The following LLGL2 variants were observed in gnomAD, a reference collection of about 807,000 sequenced individuals.
LLGL2 encodes the protein LLGL scribble cell polarity complex component 2.
A neutral mutation model predicts 123.2 loss-of-function variants in LLGL2; 81 were observed. The observed-to-expected ratio is 0.66, with a 90% CI of 0.55 to 0.79. The LOEUF (loss-of-function observed/expected upper bound fraction) is 0.79. Among genes scored for constraint, LLGL2 ranks in the 30% least tolerant of loss-of-function variants. The pLI is 0.00. For missense variants in LLGL2, 1,273 were observed against 1,414.6 expected (o/e 0.90, Z 1.61); for synonymous variants, 577 against 594.1 (o/e 0.97, Z 0.42).
At chr17:75,540,866 G>A (rs1035447794) in intron 1 of LLGL2, among the ~76,000 whole-genome samples, 2 of 152,236 alleles carry the variant, frequency 1.3e-5, no homozygotes, top group African/African-American at 4.8e-5. Context: ...ACAGTGCCAA[G>A]GAAAGGAGAT....
At position 75,558,280 on chromosome 17, in the gene LLGL2, C is replaced by T. The variant is rs752641252; in HGVS notation, c.255+44C>T. On this transcript the variant is annotated intron_variant, in intron 4 of 25. Transcript: ENST00000392550. The surrounding 1 kb of genome is among the most constrained non-coding windows in gnomAD (Gnocchi z 4.0). ...GACAGGAAGCCACTTCCATGCCCTC[C>T]TTGCCTTCACTGCTTCCAGCAGGGC... 12 of 1,542,634 alleles carry T rather than the reference C, an allele frequency of 7.8e-6. No individual in the cohort carries two copies. In the Middle Eastern group the frequency reaches 5.1e-4, roughly 65 times the overall value.
Position 75,569,257 on chromosome 17 carries a change from C to G in LLGL2, c.1513C>G (p.Leu505Val). Residue 505 changes from leucine (L) to valine (V), a missense_variant, in exon 14 of 26, where the codon CTG becomes GTG. By Grantham distance (32) the Leu-to-Val change is conservative. Transcript: ENST00000392550. The stretch of plus-strand genomic sequence containing the variant: ...TGACCCCTACAGTGATGACCCCCGG[C>G]TGGGCATCCAGAAGATCTTCCTCTG... ...SFDPYSDDPR[L>V]GIQKIFLCKY... 6.2e-7 allele frequency: 1 copy of G among 1,613,624 alleles called. No individual in the cohort carries two copies. Among genetic ancestry groups the G allele is most frequent in the Non-Finnish European group, 8.5e-7 (1 of 1,180,006 alleles).
chr17:75,547,774 G>A (rs1484102674), intron 2 of LLGL2, among the ~76,000 whole-genome samples: 3 of 151,860 alleles, frequency 2.0e-5, no homozygotes, highest in South Asian at 2.1e-4. Flanking sequence ...GCAGTGAGCC[G>A]AGATCATGCC....
chr17:75,572,444 A>G (rs183109677), intron 19 of LLGL2, among the ~76,000 whole-genome samples: 53 of 152,282 alleles, frequency 3.5e-4, no homozygotes, highest in African/African-American at 1.2e-3. Context: ...CGGGCAGATC[A>G]CAAGGTCAGG....
intron 2 of LLGL2, among the ~76,000 whole-genome samples, chr17:75,546,521 C>T (rs2054432269): frequency 6.6e-6 from 1 of 152,084 alleles, no homozygotes; most frequent in African/African-American, 2.4e-5. Context: ...TGTCATGTGG[C>T]TTGAGGTTGA....
intron 1 of LLGL2, among the ~76,000 whole-genome samples, chr17:75,539,294 C>T (rs2054120560): frequency 6.6e-6 from 1 of 152,152 alleles, no homozygotes; most frequent in Non-Finnish European, 1.5e-5. Context: ...CTCCTGAGCT[C>T]AAGTGATCCT....
rs1406410087 is a variant in LLGL2, at chr17:75,527,574, CTCT to C, written c.-31+1751_-31+1753del. Among the ~76,000 whole-genome samples the C allele has an allele frequency of 2.6e-5, 4 of 151,540 alleles. No homozygotes were observed. In the South Asian group the frequency reaches 6.2e-4, roughly 24 times the overall value. ...TAAAATAGAAAAAAGTAACTTTTTT[CTCT>C]TTTTTTTTCTTTTTTTTAAACTAAG... On this transcript the variant is annotated intron_variant, in intron 1 of 25. Transcript: ENST00000392550.
At chr17:75,528,171 A>G (rs1029607059) in intron 1 of LLGL2, among the ~76,000 whole-genome samples, 4 of 151,964 alleles carry the variant, frequency 2.6e-5, no homozygotes, top group African/African-American at 9.7e-5. Context: ...GCTGGAGTGC[A>G]GTGGCGAGAT....
At chr17:75,539,002 C>T (rs2054109505) in intron 1 of LLGL2, among the ~76,000 whole-genome samples, 1 of 152,162 alleles carries the variant, frequency 6.6e-6, no homozygotes, top group South Asian at 2.1e-4. Context: ...CACTGATCTT[C>T]CCGCCTCAGC....
At chr17:75,555,941 C>T (rs371570709) in intron 2 of LLGL2, 105 bp from the exon 3 acceptor site, 38 of 833,516 alleles carry the variant, frequency 4.6e-5, no homozygotes, top group Non-Finnish European at 6.3e-5. Flanking sequence ...GGAAAGGTAC[C>T]GAAGCCCTGC....
At chr17:75,526,259 AGCCCCT>A (rs757032739) in intron 1 of LLGL2, among the ~76,000 whole-genome samples, 113 of 152,208 alleles carry the variant, frequency 7.4e-4, no homozygotes, top group Non-Finnish European at 1.2e-3. Flanking sequence ...CCGGCGGCTT[AGCCCCT>A]GCCCCTGCCA....
intron 21 of LLGL2, 102 bp downstream of exon 21, chr17:75,573,733 A>C: frequency 9.0e-7 from 1 of 1,111,420 alleles, no homozygotes; most frequent in Non-Finnish European, 1.2e-6. Context: ...GCACCTCCCC[A>C]CGAGCTCAGC....
At chr17:75,574,543 AG>A in intron 24 of LLGL2, 48 bp downstream of exon 24, 2 of 1,588,050 alleles carry the variant, frequency 1.3e-6, no homozygotes, top group Non-Finnish European at 1.7e-6. Context: ...GCTCTGCCAG[AG>A]GGCTCAGGGG....
In LLGL2 at chr17:75,570,032, C is replaced by T; in HGVS notation, c.1651C>T (p.Gln551Ter). 1 of 1,612,386 alleles carries T rather than the reference C, an allele frequency of 6.2e-7. No individual in the cohort carries two copies. The highest frequency in any genetic ancestry group is 2.2e-5 in the East Asian group (1 of 44,864). The stretch of plus-strand genomic sequence containing the variant: ...GGAGCAGGTGGAGGCCGACCTGCTG[C>T]AGGACCAAGAGGGCTACCGCTGGAA... Reference protein sequence around the residue: ...AVEQVEADLLQDQEGYRWKGH... With the variant: ...AVEQVEADLL The change falls in exon 15 of 26, where the codon CAG (glutamine) becomes TAG (stop). Residue 551 changes from glutamine to a stop codon, truncating the protein, a stop_gained. Transcript: ENST00000392550. LOFTEE classifies it high-confidence loss of function.
Position 75,564,387 on chromosome 17 carries a change from C to A in LLGL2, c.916C>A (p.Arg306=). 1.2e-6 allele frequency: 2 copies of A among 1,612,314 alleles called. No homozygotes were observed. Among genetic ancestry groups the A allele is most frequent in the Non-Finnish European group, 1.7e-6 (2 of 1,179,848 alleles). Residue 306 remains arginine (R), a synonymous_variant, in exon 10 of 26, where the codon CGG becomes AGG. Transcript: ENST00000392550. The surrounding 1 kb of genome is among the most constrained non-coding windows in gnomAD (Gnocchi z 4.9). ...CACCATCTTCCAGGGTGGCATGCCA[C>A]GGGCCAGCTACGGGGACCGCCACTG... ...PFTIFQGGMP[R]ASYGDRHCIS...
At chr17:75,551,300 A>G (rs74459945) in intron 2 of LLGL2, among the ~76,000 whole-genome samples, 3,128 of 152,106 alleles carry the variant, frequency 0.021, 111 homozygotes, top group African/African-American at 0.07. Context: ...ATCATCTCCA[A>G]TCCAAGGACA....
In LLGL2 at chr17:75,568,803, C is replaced by T; in HGVS notation, c.1286C>T (p.Thr429Ile). The change falls in exon 12 of 26, where the codon ACC becomes ATC. Residue 429 changes from threonine to isoleucine, a missense_variant. Transcript: ENST00000392550. ...EWPIDGGTSLTPAPPQRDLLL... is the reference protein window; with the variant it reads ...EWPIDGGTSLIPAPPQRDLLL... ...CCAATTGATGGTGGCACCAGCCTGA[C>T]CCCAGCCCCACCCCAGAGGGACCTG... The T allele has an allele frequency of 1.3e-6, 2 of 1,599,684 alleles. No individual in the cohort carries two copies. Among genetic ancestry groups the T allele is most frequent in the Non-Finnish European group, 1.7e-6 (2 of 1,171,884 alleles).
intron 1 of LLGL2, among the ~76,000 whole-genome samples, chr17:75,530,349 TA>T (rs2053732342): frequency 6.6e-6 from 1 of 151,938 alleles, no homozygotes; most frequent in African/African-American, 2.4e-5. Context: ...AAAATTTTTT[TA>T]AAAAATTAGC....
At chr17:75,550,276 T>C (rs2054607144) in intron 2 of LLGL2, among the ~76,000 whole-genome samples, 1 of 152,222 alleles carries the variant, frequency 6.6e-6, no homozygotes, top group African/African-American at 2.4e-5. Flanking sequence ...GCCCTGGGGC[T>C]GAGCCCAACC....
Sources: gnomAD v4.1 joint callset for allele counts (sites outside exome capture counted in the v4.1 genomes callset) on GRCh38, gnomAD v4.1.1 for gene constraint, Gnocchi (gnomAD v3.1) non-coding constraint, MANE v1.5 for transcripts, NCBI Gene and HGNC (gene_info 2026-07-23, HGNC 2026-07-21) for gene names.